Variants in NPC1 observed in about 807,000 individuals in gnomAD.
NPC1 encodes NPC intracellular cholesterol transporter 1, also known as Niemann-Pick C1 protein.
A neutral mutation model predicts 140.4 loss-of-function variants in NPC1; 85 were observed. The ratio of observed to expected loss-of-function variants is 0.61; its 90% CI spans 0.51 to 0.72. The LOEUF (loss-of-function observed/expected upper bound fraction) is 0.72. NPC1 is among the 30% of genes least tolerant of loss of function. The pLI is 0.00. For synonymous variants in NPC1, 656 were observed against 624.8 expected, an observed-to-expected ratio of 1.05 and a Z score of -0.74; for missense variants, 1,504 against 1,623.8, an observed-to-expected ratio of 0.93 and a Z score of 1.27.
chr18:23,563,688 T>C (rs1598991373), intron 4 of NPC1, among the ~76,000 whole-genome samples: 2 of 152,244 alleles, frequency 1.3e-5, no homozygotes, highest in South Asian at 2.1e-4. Flanking sequence ...TGCTGGATTA[T>C]AGGCATGAGC....
Position 23,561,356 on chromosome 18 carries a change from C to T in NPC1, c.631+4G>A. On this transcript the variant is annotated splice_donor_region_variant and intron_variant, in intron 5 of 24. Transcript: ENST00000269228. ...CACACCAAACTTGGAATCTTTATAC[C>T]TACCTGAAAACACAGGAGTGATGGT... The T allele has an allele frequency of 6.2e-7, 1 of 1,614,102 alleles. No individual in the cohort carries two copies. Among genetic ancestry groups the T allele is most frequent in the Non-Finnish European group, 8.5e-7 (1 of 1,179,984 alleles).
At chr18:23,533,317 CTTCTAT>C in intron 24 of NPC1, 32 bp downstream of exon 24, 1 of 1,582,166 alleles carries the variant, frequency 6.3e-7, no homozygotes. Context: ...CAGTAATGTC[CTTCTAT>C]TGTGCCACCC....
intron 2 of NPC1, among the ~76,000 whole-genome samples, chr18:23,573,183 G>A (rs892729017): frequency 1.3e-5 from 2 of 152,188 alleles, no homozygotes; most frequent in African/African-American, 4.8e-5. Flanking sequence ...GGCAACATAC[G>A]AAGTACCAAG....
rs2058763448 is a variant in NPC1, at chr18:23,544,943, A to AACCCCCCC, written c.1947+16_1947+17insGGGGGGGT. The AACCCCCCC allele has an allele frequency of 1.3e-4, 133 of 1,041,684 alleles. No individual in the cohort carries two copies. The highest frequency in any genetic ancestry group is 4.4e-4 in the Middle Eastern group (2 of 4,544). The allele number at this position is 1,041,684 out of a possible 1,614,324, so 64.5% of individuals were successfully genotyped here. ...GCTGTTAACCTCTAGAACATACACC[A>AACCCCCCC]CCCCCCCCCGGCTTACCAGAAGCCT... is the stretch of plus-strand genomic sequence containing the variant. On this transcript the variant is annotated intron_variant, in intron 12 of 24. Transcript: ENST00000269228.
At chr18:23,574,138 C>A (rs1362249695) in intron 1 of NPC1, among the ~76,000 whole-genome samples, 1 of 152,188 alleles carries the variant, frequency 6.6e-6, no homozygotes, top group African/African-American at 2.4e-5. Flanking sequence ...CCGAGGCAAT[C>A]TCAAAAGAAA....
chr18:23,552,998 G>A (rs2058895466), intron 9 of NPC1, among the ~76,000 whole-genome samples: 1 of 152,236 alleles, frequency 6.6e-6, no homozygotes, highest in Non-Finnish European at 1.5e-5. Context: ...CATTACTGCA[G>A]GACCCTCAGG....
rs374224848 is a variant in NPC1, at chr18:23,523,543, CA to C, written c.164-638del. 5.5e-4 allele frequency among the ~76,000 whole-genome samples: 42 copies of C among 76,376 alleles called. No individual in the cohort carries two copies. The South Asian group carries it at 6.0e-3, about 11-fold the overall frequency. 50.1% of individuals were successfully genotyped at this position (76,376 alleles called of 152,430 possible). On this transcript the variant is annotated intron_variant, in intron 1 of 1. Transcript: ENST00000590723. ...CTAGGTAACATAGACCTTGTCTTCACAAAAAAAAAAAAAAAAAAAAAAAAAA... is the reference window on the plus strand; with the variant it reads ...CTAGGTAACATAGACCTTGTCTTCACAAAAAAAAAAAAAAAAAAAAAAAAA...
At chr18:23,554,358 C>T (rs960360774) in intron 9 of NPC1, among the ~76,000 whole-genome samples, 1 of 152,190 alleles carries the variant, frequency 6.6e-6, no homozygotes, top group African/African-American at 2.4e-5. Context: ...GTAATCCCAG[C>T]ACTTTGGGAG....
chr18:23,534,285 C>T (rs983542408), intron 23 of NPC1, 161 bp downstream of exon 23: 6 of 692,980 alleles, frequency 8.7e-6, no homozygotes, highest in African/African-American at 3.5e-5. Flanking sequence ...TTCCACAGAA[C>T]GTCCGTTCTG....
At chr18:23,542,153 C>CT (rs1384556840) in intron 14 of NPC1, among the ~76,000 whole-genome samples, 1 of 152,064 alleles carries the variant, frequency 6.6e-6, no homozygotes, top group African/African-American at 2.4e-5. Flanking sequence ...CTCACTCCTA[C>CT]TGTCCCAAGG....
intron 3 of NPC1, among the ~76,000 whole-genome samples, chr18:23,569,235 GAGAGATGCTT>G (rs1167957927): frequency 1.3e-5 from 2 of 152,188 alleles, no homozygotes; most frequent in African/African-American, 2.4e-5. Flanking sequence ...TTCAAAAAGA[GAGAGATGCTT>G]CTCTGAATTC....
intron 3 of NPC1, among the ~76,000 whole-genome samples, chr18:23,513,196 C>G (rs1475491987): frequency 6.6e-6 from 1 of 152,192 alleles, no homozygotes; most frequent in African/African-American, 2.4e-5. Flanking sequence ...TCAGGTGATC[C>G]ACTCACCTCA....
At chr18:23,557,493 C>T (rs79667121) in intron 6 of NPC1, among the ~76,000 whole-genome samples, 5 of 152,336 alleles carry the variant, frequency 3.3e-5, no homozygotes, top group South Asian at 2.1e-4. Context: ...CGGTGGCTCA[C>T]GCCTGTAAAC....
chr18:23,528,884 C>T, downstream of NPC1: 2 of 253,348 alleles, frequency 7.9e-6, no homozygotes, highest in Non-Finnish European at 1.5e-5. Context: ...ATCTGAACTG[C>T]TTTTTTTTTT....
chr18:23,546,940 G>GA (rs2058798137), intron 11 of NPC1, among the ~76,000 whole-genome samples: 2 of 152,218 alleles, frequency 1.3e-5, no homozygotes, highest in African/African-American at 2.4e-5. Context: ...ACATACACGT[G>GA]AATATAGTAA....
At chr18:23,512,513 T>C (rs2057888718) in intron 3 of NPC1, among the ~76,000 whole-genome samples, 1 of 151,990 alleles carries the variant, frequency 6.6e-6, no homozygotes, top group African/African-American at 2.4e-5. Flanking sequence ...CTCGACCTCC[T>C]AGCCTCACGT....
At position 23,533,523 on chromosome 18, in the gene NPC1, A is replaced by T; in HGVS notation, c.3592-6T>A. 1 of 1,614,042 alleles carries T rather than the reference A, an allele frequency of 6.2e-7. No homozygotes were observed. Among genetic ancestry groups the T allele is most frequent in the Non-Finnish European group, 8.5e-7 (1 of 1,179,870 alleles). On this transcript the variant is annotated splice_region_variant and splice_polypyrimidine_tract_variant and intron_variant, in intron 23 of 24. Transcript: ENST00000269228. ...AGTGTGATTCCACTGAACACCTAAA[A>T]GAAGAGATACTGTGTTAGAAACCAC...
chr18:23,550,475 A>ATT (rs1491268509), intron 10 of NPC1, among the ~76,000 whole-genome samples: 2 of 53,494 alleles, frequency 3.7e-5, no homozygotes, highest in South Asian at 6.6e-4. Flanking sequence ...CAGTTCTTAC[A>ATT]TTTCTTTTTT....
chr18:23,554,172 C>T (rs2058915208), intron 9 of NPC1, among the ~76,000 whole-genome samples: 1 of 152,196 alleles, frequency 6.6e-6, no homozygotes, highest in African/African-American at 2.4e-5. Context: ...GCTGTCCTTT[C>T]CTCTCCCTTT....
Sources: gnomAD v4.1 joint callset for allele counts (sites outside exome capture counted in the v4.1 genomes callset) on GRCh38, gnomAD v4.1.1 for gene constraint, MANE v1.5 for transcripts, NCBI Gene and HGNC (gene_info 2026-07-23, HGNC 2026-07-21) for gene names.